The following CNTN1 variants were observed in gnomAD, a reference collection of about 807,000 sequenced individuals.
CNTN1 encodes the protein contactin-1.
A neutral mutation model predicts 126.4 loss-of-function variants in CNTN1; 38 were observed. The observed-to-expected ratio is 0.30, with a 90% CI of 0.23 to 0.39. CNTN1 has a LOEUF of 0.39. CNTN1 is among the 10% of genes least tolerant of loss of function. The pLI is 1.00. For synonymous variants in CNTN1, 413 were observed against 422.6 expected (o/e 0.98, Z 0.28); for missense variants, 1,009 against 1,248.4 (o/e 0.81, Z 2.89).
At chr12:40,884,901 C>T (rs2136707237) in intron 1 of CNTN1, among the ~76,000 whole-genome samples, 1 of 151,374 alleles carries the variant, frequency 6.6e-6, no homozygotes, top group South Asian at 2.1e-4. Flanking sequence ...TTTGTATTTT[C>T]TTATATTCAG....
chr12:40,951,231 T>A (rs1946666615), intron 14 of CNTN1, among the ~76,000 whole-genome samples: 1 of 152,288 alleles, frequency 6.6e-6, no homozygotes, highest in Admixed American at 6.5e-5. Flanking sequence ...AAAATTGGAC[T>A]CTTCAGCTGT....
chr12:40,922,106 A>G (rs2136870487), intron 4 of CNTN1, 150 bp from the exon 5 acceptor site: 1 of 689,818 alleles, frequency 1.4e-6, no homozygotes, highest in South Asian at 1.6e-5. Flanking sequence ...ACTCAGAATC[A>G]TAGAGTACAA....
At chr12:40,925,622 TACAC>T (rs1457252682) in intron 6 of CNTN1, among the ~76,000 whole-genome samples, 1 of 120,192 alleles carries the variant, frequency 8.3e-6, no homozygotes, top group African/African-American at 2.8e-5. Context: ...TATATATATA[TACAC>T]ATATATATAT....
At chr12:41,030,503 T>G (rs1419831613) in intron 23 of CNTN1, among the ~76,000 whole-genome samples, 4 of 152,144 alleles carry the variant, frequency 2.6e-5, no homozygotes, top group Non-Finnish European at 5.9e-5. Flanking sequence ...AAATAGCTAC[T>G]GTTAATGCTT....
chr12:40,866,202 A>T (rs993781297), intron 1 of CNTN1, among the ~76,000 whole-genome samples: 1 of 152,012 alleles, frequency 6.6e-6, no homozygotes, highest in African/African-American at 2.4e-5. Context: ...ATTAGCCATA[A>T]TTTTTTTAGT....
intron 23 of CNTN1, among the ~76,000 whole-genome samples, chr12:41,054,415 G>A (rs1949757288): frequency 6.6e-6 from 1 of 151,906 alleles, no homozygotes; most frequent in Non-Finnish European, 1.5e-5. Flanking sequence ...ACATGTATGA[G>A]GCAAGGTTAG....
At chr12:41,042,519 T>C (rs1246013663) in intron 23 of CNTN1, among the ~76,000 whole-genome samples, 1 of 152,080 alleles carries the variant, frequency 6.6e-6, no homozygotes, top group Non-Finnish European at 1.5e-5. Context: ...CAGTGGGGTG[T>C]TAAAGTCTCC....
chr12:41,033,399 TTTTA>T (rs1949187237), intron 23 of CNTN1, among the ~76,000 whole-genome samples: 1 of 152,212 alleles, frequency 6.6e-6, no homozygotes, highest in Non-Finnish European at 1.5e-5. Context: ...TTTCTATAAA[TTTTA>T]GAATATCAAT....
At chr12:40,817,442 C>T (rs528552257) in intron 1 of CNTN1, among the ~76,000 whole-genome samples, 42 of 142,632 alleles carry the variant, frequency 2.9e-4, no homozygotes, top group South Asian at 1.1e-3. Flanking sequence ...GGTTTAAAGC[C>T]GGTTTTGTCA....
At chr12:41,050,401 G>A (rs2121020126) in intron 23 of CNTN1, among the ~76,000 whole-genome samples, 1 of 152,260 alleles carries the variant, frequency 6.6e-6, no homozygotes, top group Admixed American at 6.5e-5. Flanking sequence ...ATGGCAGAAG[G>A]GTAAAGGGGA....
chr12:41,042,652 T>G (rs923350254), intron 23 of CNTN1, among the ~76,000 whole-genome samples: 2 of 152,082 alleles, frequency 1.3e-5, no homozygotes, highest in African/African-American at 4.8e-5. Context: ...AAAACTACTT[T>G]AAAGTTCATA....
intron 1 of CNTN1, among the ~76,000 whole-genome samples, chr12:40,833,132 G>A (rs7980104): frequency 1.3e-5 from 2 of 151,534 alleles, no homozygotes; most frequent in African/African-American, 2.4e-5. Flanking sequence ...CTCGGCTCAC[G>A]GCAACCTCCT....
intron 1 of CNTN1, among the ~76,000 whole-genome samples, chr12:40,693,568 G>A (rs558125811): frequency 2.0e-5 from 3 of 152,178 alleles, no homozygotes; most frequent in Non-Finnish European, 4.4e-5. Flanking sequence ...TGAAAAATTG[G>A]GATGATGGGA....
chr12:40,820,530 A>G (rs1469455494), intron 1 of CNTN1, among the ~76,000 whole-genome samples: 2 of 152,162 alleles, frequency 1.3e-5, no homozygotes, highest in African/African-American at 4.8e-5. Flanking sequence ...GGGCACTTAC[A>G]GTGGAATCAT....
intron 1 of CNTN1, among the ~76,000 whole-genome samples, chr12:40,708,943 A>G (rs536920358): frequency 1.3e-5 from 2 of 152,318 alleles, no homozygotes; most frequent in Admixed American, 1.3e-4. Context: ...CTCAAATTCA[A>G]CTTCTTCCAA....
intron 14 of CNTN1, among the ~76,000 whole-genome samples, chr12:40,948,252 T>C (rs1261642478): frequency 7.5e-6 from 1 of 132,554 alleles, no homozygotes; most frequent in East Asian, 2.0e-4. Flanking sequence ...TAGTTTTTCT[T>C]TCTTTCTTTT....
At chr12:41,051,937 CACAA>C (rs1456064707) in intron 23 of CNTN1, among the ~76,000 whole-genome samples, 2 of 137,720 alleles carry the variant, frequency 1.5e-5, no homozygotes, top group Non-Finnish European at 3.1e-5. Context: ...CACACACACA[CACAA>C]AGAAACCTAC....
intron 3 of CNTN1, among the ~76,000 whole-genome samples, chr12:40,917,483 T>A (rs1027832470): frequency 2.0e-5 from 3 of 152,094 alleles, no homozygotes; most frequent in African/African-American, 7.2e-5. Flanking sequence ...AAGATTTAAA[T>A]GACATAATGA....
At chr12:40,940,516 A>T (rs1946231433) in intron 12 of CNTN1, among the ~76,000 whole-genome samples, 1 of 152,172 alleles carries the variant, frequency 6.6e-6, no homozygotes, top group Admixed American at 6.6e-5. Flanking sequence ...ACAGTAACCC[A>T]ATAAAGTAAC....
Sources: gnomAD v4.1 joint callset for allele counts (sites outside exome capture counted in the v4.1 genomes callset) on GRCh38, gnomAD v4.1.1 for gene constraint, MANE v1.5 for transcripts, NCBI Gene and HGNC (gene_info 2026-07-23, HGNC 2026-07-21) for gene names.